Variants in UTP4 observed in about 807,000 individuals in gnomAD.
UTP4 encodes U3 small nucleolar RNA-associated protein 4 homolog.
In UTP4, 45 loss-of-function variants were observed where a neutral mutation model predicts 82.4. That is an observed-to-expected ratio of 0.55 (90% CI 0.43 to 0.70). The LOEUF (loss-of-function observed/expected upper bound fraction) is 0.70, where lower values mean the gene tolerates loss of function less well. Ranked by LOEUF, UTP4 falls within the 30% of genes least tolerant of loss-of-function variation. The pLI is 0.00. For missense variants in UTP4, 819 were observed against 858.3 expected (o/e 0.95, Z 0.57); for synonymous variants, 348 against 300.3 (o/e 1.16, Z -1.64).
intron 13 of UTP4, among the ~76,000 whole-genome samples, chr16:69,161,050 T>C (rs1285565864): frequency 6.6e-6 from 1 of 152,200 alleles, no homozygotes; most frequent in Non-Finnish European, 1.5e-5. Context: ...GATCTGTGGG[T>C]GATGTAAACA....
chr16:69,158,413 C>A (rs8062869), intron 12 of UTP4, among the ~76,000 whole-genome samples: 5,717 of 151,890 alleles, frequency 0.038, 375 homozygotes, highest in African/African-American at 0.13. Context: ...ATCCTCCTGC[C>A]TCAGCCTCCC....
chr16:69,152,434 C>T (rs1434714073), intron 8 of UTP4, among the ~76,000 whole-genome samples: 4 of 150,876 alleles, frequency 2.7e-5, no homozygotes, highest in South Asian at 2.1e-4. Context: ...TGCAGGCATG[C>T]GCCACCAGGC....
intron 13 of UTP4, 116 bp downstream of exon 13, chr16:69,160,578 T>TTTTTC (rs1963539007): frequency 1.2e-5 from 9 of 758,664 alleles, no homozygotes; most frequent in South Asian, 1.1e-4. Context: ...GACTTTTTTC[T>TTTTTC]TTTTATTTTC....
intron 4 of UTP4, among the ~76,000 whole-genome samples, chr16:69,138,235 C>CT (rs535515310): frequency 0.3 from 41,778 of 139,246 alleles, 6,511 homozygotes; most frequent in African/African-American, 0.38. Context: ...TCTTTTCTTT[C>CT]TTTTTTTTTT....
chr16:69,135,530 T>C (rs773087088), intron 2 of UTP4, among the ~76,000 whole-genome samples: 1 of 151,906 alleles, frequency 6.6e-6, no homozygotes, highest in Non-Finnish European at 1.5e-5. Context: ...CTGGGCAACA[T>C]AGTGAGACCC....
Position 69,168,827 on chromosome 16 carries a change from C to T in UTP4, c.1951C>T (p.Leu651Phe), listed in dbSNP as rs1192101454. ...FKISKIYKPL[L>F]FMDLLDERTL... ...AATTATCATCCCTCTGCAGCCTCTA[C>T]TCTTCATGGATCTTTTGGATGAAAG... Residue 651 changes from leucine to phenylalanine, a missense_variant, in exon 17 of 17, where the codon CTC (leucine) becomes TTC (phenylalanine). Coordinates refer to ENST00000314423, the MANE Select transcript of UTP4 (RefSeq NM_032830.3). 1.2e-6 allele frequency: 2 copies of T among 1,606,156 alleles called. No individual in the cohort carries two copies. Among genetic ancestry groups the T allele is most frequent in the African/African-American group, 1.3e-5 (1 of 74,750 alleles).
At chr16:69,139,942 G>A (rs754114770) in intron 5 of UTP4, 28 bp downstream of exon 5, 8 of 1,524,338 alleles carry the variant, frequency 5.2e-6, no homozygotes, top group Non-Finnish European at 7.3e-6. Flanking sequence ...TTCATTTGGG[G>A]TGTGGGTTTT....
At chr16:69,160,597 T>TA in intron 13 of UTP4, 135 bp downstream of exon 13, 3 of 677,606 alleles carry the variant, frequency 4.4e-6, no homozygotes, top group Non-Finnish European at 7.6e-6. Context: ...TCTTTTCTTT[T>TA]CTTTTTTTTT....
chr16:69,162,075 C>G (rs1318799851), intron 13 of UTP4, among the ~76,000 whole-genome samples: 1 of 151,876 alleles, frequency 6.6e-6, no homozygotes, highest in Non-Finnish European at 1.5e-5. Flanking sequence ...TCAAGTGATT[C>G]TCCTGCCTCA....
intron 12 of UTP4, among the ~76,000 whole-genome samples, chr16:69,159,356 C>T (rs1963505337): frequency 6.6e-6 from 1 of 151,850 alleles, no homozygotes; most frequent in Non-Finnish European, 1.5e-5. Context: ...GCTGGGATTA[C>T]AGGTGTGAGC....
chr16:69,154,563 T>C, intron 10 of UTP4, 106 bp downstream of exon 10: 1 of 877,276 alleles, frequency 1.1e-6, no homozygotes, highest in Non-Finnish European at 1.9e-6. Flanking sequence ...ATTGTATAAA[T>C]TCTAAAACTA....
At chr16:69,154,595 C>G (rs115501719) in intron 10 of UTP4, 138 bp downstream of exon 10, 1 of 716,384 alleles carries the variant, frequency 1.4e-6, no homozygotes, top group African/African-American at 1.8e-5. Flanking sequence ...GACTGTGTCA[C>G]CAGGACTGGG....
rs769304578 is a variant in UTP4, at chr16:69,136,776, T to C, written c.240T>C (p.Asn80=). ...EGQRLFSAGL[N]GEIMEYDLQA... is the part of the protein sequence containing the mutation. ...AGCGACTCTTTAGTGCTGGGCTCAA[T>C]GGCGAGATTATGGAGTATGATTTAC... Residue 80 remains asparagine, a synonymous_variant, in exon 3 of 17, where the codon AAT becomes AAC. Coordinates refer to ENST00000314423, the MANE Select transcript of UTP4 (RefSeq NM_032830.3). 3.1e-6 allele frequency: 5 copies of C among 1,614,046 alleles called. No homozygotes were observed. In the Admixed American group the frequency reaches 8.3e-5, roughly 27 times the overall value.
intron 11 of UTP4, 25 bp downstream of exon 11, chr16:69,156,018 C>T: frequency 6.2e-7 from 1 of 1,612,570 alleles, no homozygotes; most frequent in East Asian, 2.2e-5. Flanking sequence ...AATATCTGGT[C>T]ACATAAGAGG....
intron 11 of UTP4, 117 bp downstream of exon 11, chr16:69,156,110 A>T: frequency 1.0e-6 from 1 of 968,624 alleles, no homozygotes; most frequent in Non-Finnish European, 1.6e-6. Flanking sequence ...CTATTTGGAG[A>T]TTTGGAGAAG....
intron 5 of UTP4, among the ~76,000 whole-genome samples, chr16:69,142,580 G>C (rs1475157298): frequency 6.6e-6 from 1 of 152,078 alleles, no homozygotes; most frequent in African/African-American, 2.4e-5. Context: ...CCCAATTCCT[G>C]AGTCCAAGGA....
At chr16:69,147,001 C>CAAAAAAAAAAAAAAAAA (rs71148965) in intron 6 of UTP4, among the ~76,000 whole-genome samples, 1 of 85,778 alleles carries the variant, frequency 1.2e-5, no homozygotes, top group African/African-American at 4.3e-5. Flanking sequence ...GACTCTGCCT[C>CAAAAAAAAAAAAAAAAA]AAAAAAAAAA....
Position 69,165,322 on chromosome 16 carries a change from A to T in UTP4, c.1648-19A>T, listed in dbSNP as rs770780675. On this transcript the variant is annotated intron_variant, in intron 14 of 16. Coordinates refer to ENST00000314423, the MANE Select transcript of UTP4 (RefSeq NM_032830.3). Reference sequence around the variant, plus strand: ...TCTGAGTACCAGCCTGCATTTCTCTATGTCATGTCCTCCCTCAGGTATTTG... The same window carrying T: ...TCTGAGTACCAGCCTGCATTTCTCTTTGTCATGTCCTCCCTCAGGTATTTG... 4.3e-6 allele frequency: 7 copies of T among 1,612,506 alleles called. No homozygotes were observed. Among genetic ancestry groups the T allele is most frequent in the East Asian group, 2.2e-5 (1 of 44,864 alleles).
intron 14 of UTP4, among the ~76,000 whole-genome samples, chr16:69,164,010 C>T (rs1385113776): frequency 6.6e-6 from 1 of 151,812 alleles, no homozygotes; most frequent in African/African-American, 2.4e-5. Context: ...CTCAGCCTCC[C>T]GAGTAGCTGG....
Sources: allele counts gnomAD v4.1 joint callset (sites outside exome capture counted in the v4.1 genomes callset), GRCh38; gene constraint gnomAD v4.1.1; transcripts MANE v1.5; gene names NCBI Gene and HGNC (gene_info 2026-07-23, HGNC 2026-07-21).